The following MROH1 variants were observed in gnomAD, a reference collection of about 807,000 sequenced individuals.
MROH1 encodes maestro heat like repeat family member 1, also known as maestro heat-like repeat-containing protein family member 1.
Under a neutral mutation model 116.5 loss-of-function variants are expected in MROH1, and 117 were observed. The ratio of observed to expected loss-of-function variants is 1.00; its 90% CI spans 0.86 to 1.17. The LOEUF is 1.17. Ranked by LOEUF, MROH1 falls within the 50% of genes most tolerant of loss-of-function variation. The pLI is 0.00. For missense variants in MROH1, 1,873 were observed against 1,338.5 expected, an observed-to-expected ratio of 1.40 and a Z score of -6.23; for synonymous variants, 921 against 583.9, an observed-to-expected ratio of 1.58 and a Z score of -8.32.
intron 4 of MROH1, among the ~76,000 whole-genome samples, chr8:144,174,600 C>T (rs1220320861): frequency 6.6e-6 from 1 of 151,784 alleles, no homozygotes; most frequent in Non-Finnish European, 1.5e-5. Flanking sequence ...CCTCCTGCTT[C>T]AGCCTCCGAA....
chr8:144,177,590 C>T (rs1271779637), intron 4 of MROH1, among the ~76,000 whole-genome samples: 1 of 152,118 alleles, frequency 6.6e-6, no homozygotes, highest in African/African-American at 2.4e-5. Context: ...GAGTGCAGAC[C>T]CTGTGACCAT....
intron 12 of MROH1, among the ~76,000 whole-genome samples, chr8:144,216,446 C>G (rs1165415525): frequency 6.6e-6 from 1 of 152,102 alleles, no homozygotes; most frequent in African/African-American, 2.4e-5. Context: ...TCCATTCCAT[C>G]CTGGGCAACA....
In MROH1 at chr8:144,200,450, A is replaced by G. The variant is rs144186714; in HGVS notation, c.1050A>G (p.Leu350=). 163 of 1,550,800 alleles carry G rather than the reference A, an allele frequency of 1.1e-4. No homozygotes were observed. The highest frequency in any genetic ancestry group is 9.2e-4 in the African/African-American group (67 of 73,148). ...TAGCCTGCAGCTCGCCTGACCGCCTACTGGCCTTCCTGCTGCCCAGGCTGG... is the reference window on the plus strand; with the variant it reads ...TAGCCTGCAGCTCGCCTGACCGCCTGCTGGCCTTCCTGCTGCCCAGGCTGG... ...TVLACSSPDR[L]LAFLLPRLDT... The change falls in exon 12 of 44, where the codon CTA becomes CTG. Residue 350 remains leucine (L), a synonymous_variant. Coordinates refer to ENST00000326134, the MANE Select transcript of MROH1 (RefSeq NM_032450.3).
intron 4 of MROH1, among the ~76,000 whole-genome samples, chr8:144,170,570 G>A (rs1484465285): frequency 6.6e-6 from 1 of 152,228 alleles, no homozygotes; most frequent in Non-Finnish European, 1.5e-5. Flanking sequence ...AGCAGGCATG[G>A]TTCAAAGCCC....
chr8:144,246,438 C>G (rs1841937280), intron 29 of MROH1, among the ~76,000 whole-genome samples: 1 of 152,042 alleles, frequency 6.6e-6, no homozygotes, highest in Admixed American at 6.6e-5. Flanking sequence ...CCGAAACTTT[C>G]ATTCTTTATG....
intron 7 of MROH1, among the ~76,000 whole-genome samples, chr8:144,185,254 C>T (rs7018433): frequency 0.87 from 131,611 of 152,028 alleles, 58,880 homozygotes; most frequent in East Asian, 1. Context: ...GGAGCTGAGC[C>T]CTCCCATCTC....
At chr8:144,236,894 TC>T in intron 14 of MROH1, among the ~76,000 whole-genome samples, 9 of 140,446 alleles carry the variant, frequency 6.4e-5, no homozygotes, top group African/African-American at 1.9e-4. Flanking sequence ...CCTCTCCTAT[TC>T]CTTTTTTTTT....
At chr8:144,259,433 C>T in intron 37 of MROH1, 79 bp downstream of exon 37, 1 of 709,820 alleles carries the variant, frequency 1.4e-6, no homozygotes, top group Non-Finnish European at 2.6e-6. Context: ...CCTTTTCTTA[C>T]CCCTAAAAGG....
rs1167857372 is a variant in MROH1 at position 144,239,490 on chromosome 8, C to T, written c.1633-124C>T. 1.0e-4 allele frequency: 79 copies of T among 765,778 alleles called. 1 individual carries two copies. In the East Asian group the frequency reaches 1.8e-3, roughly 17 times the overall value. The allele number at this position is 765,778 out of a possible 1,614,324, so 47.4% of individuals were successfully genotyped here. ...AGGGCTCAGGTGTGGTTTTCCTCTA[C>T]GTGGGCGGCCCAGCTTTGGGAAGAG... On this transcript the variant is annotated intron_variant, in intron 17 of 43. Coordinates refer to ENST00000326134, the MANE Select transcript of MROH1 (RefSeq NM_032450.3).
At chr8:144,243,648 G>C (rs1841393894) in intron 25 of MROH1, 32 bp downstream of exon 25, 1 of 776,568 alleles carries the variant, frequency 1.3e-6, no homozygotes, top group African/African-American at 1.7e-5. Context: ...CAGGTCCTCA[G>C]GCAGGTTCCT....
chr8:144,200,294 T>G, intron 11 of MROH1, 134 bp from the exon 12 acceptor site: 1 of 672,930 alleles, frequency 1.5e-6, no homozygotes, highest in Non-Finnish European at 2.4e-6. Flanking sequence ...GCCCAGCGAT[T>G]AGGTGACCCC....
In MROH1 at chr8:144,192,413, G is replaced by T; in HGVS notation, c.948+12G>T. ...CACTGCACTCCCAGGTAGGAGGCGG[G>T]CGTCAGGGGGCGGGTCCAGGTTCTG... On this transcript the variant is annotated intron_variant, in intron 10 of 43. Transcript: ENST00000326134. 6.4e-7 allele frequency: 1 copy of T among 1,570,166 alleles called. No homozygotes were observed. Among genetic ancestry groups the T allele is most frequent in the South Asian group, 1.2e-5 (1 of 86,256 alleles).
chr8:144,247,699 C>A lies in MROH1; in HGVS notation c.3120+20C>A. The A allele has an allele frequency of 1.3e-6, 1 of 746,794 alleles. No homozygotes were observed. The highest frequency in any genetic ancestry group is 1.7e-5 in the African/African-American group (1 of 58,588). 46.3% of individuals were successfully genotyped at this position (746,794 alleles called of 1,614,324 possible). ...GGCCAGGTACCAGCTGGGAGCTCTGCGGCCGGAAGGCAGGCTGGCACTGTC... is the reference window on the plus strand; with the variant it reads ...GGCCAGGTACCAGCTGGGAGCTCTGAGGCCGGAAGGCAGGCTGGCACTGTC... On this transcript the variant is annotated intron_variant, in intron 31 of 43. Transcript: ENST00000326134.
rs1333283236 is a variant in MROH1 at position 144,240,049 on chromosome 8, A to T, written c.1775-52A>T. The T allele has an allele frequency of 1.7e-5, 13 of 753,760 alleles. No individual in the cohort carries two copies. In the Admixed American group the frequency reaches 2.4e-4, roughly 14 times the overall value. The allele number at this position is 753,760 out of a possible 1,614,324, so 46.7% of individuals were successfully genotyped here. ...GCTCCAGGGCAGGTGCTGGGCTCTG[A>T]GCCCCACTGGTGCGTTTTGGGATGG... On this transcript the variant is annotated intron_variant, in intron 18 of 43. Coordinates refer to ENST00000326134, the MANE Select transcript of MROH1 (RefSeq NM_032450.3).
chr8:144,161,116 C>T (rs1375811838), intron 2 of MROH1, 27 bp downstream of exon 2: 1 of 152,742 alleles, frequency 6.5e-6, no homozygotes, highest in East Asian at 1.9e-4. Context: ...CTTCAAATTT[C>T]TCCTCCCCGC....
chr8:144,208,530 C>A (rs1337397030), intron 12 of MROH1, among the ~76,000 whole-genome samples: 1 of 151,910 alleles, frequency 6.6e-6, no homozygotes, highest in African/African-American at 2.4e-5. Context: ...GAAGGGCCCA[C>A]CCTACTCCAG....
At chr8:144,210,252 A>G (rs1833807957) in intron 12 of MROH1, among the ~76,000 whole-genome samples, 1 of 152,032 alleles carries the variant, frequency 6.6e-6, no homozygotes, top group Non-Finnish European at 1.5e-5. Context: ...CAGCCTGGCC[A>G]ATACAGGGAA....
chr8:144,179,917 GC>G (rs869172046), intron 5 of MROH1, among the ~76,000 whole-genome samples: 2 of 151,188 alleles, frequency 1.3e-5, no homozygotes, highest in Non-Finnish European at 3.0e-5. Flanking sequence ...ACTGAGTGCA[GC>G]CCCCTCTCAC....
At chr8:144,165,400 T>A (rs769025050) in intron 3 of MROH1, among the ~76,000 whole-genome samples, 15 of 152,026 alleles carry the variant, frequency 9.9e-5, no homozygotes, top group Middle Eastern at 6.3e-3. Flanking sequence ...ATTACAGGCG[T>A]GAGCCACCGC....
Sources: gnomAD v4.1 joint callset for allele counts (sites outside exome capture counted in the v4.1 genomes callset) on GRCh38, gnomAD v4.1.1 for gene constraint, MANE v1.5 for transcripts, NCBI Gene and HGNC (gene_info 2026-07-23, HGNC 2026-07-21) for gene names.